The following RCOR1 variants were observed in gnomAD, a reference collection of about 807,000 sequenced individuals.
RCOR1 encodes the protein REST corepressor 1.
Under a neutral mutation model 64.0 loss-of-function variants are expected in RCOR1, and 12 were observed. The ratio of observed to expected loss-of-function variants is 0.19; its 90% confidence interval spans 0.12 to 0.30. RCOR1 has a LOEUF of 0.30. Ranked by LOEUF, RCOR1 falls within the 10% of genes least tolerant of loss-of-function variation. The probability of loss-of-function intolerance (pLI) is 1.00; values close to 1 mark genes in which losing one functional copy is unlikely to be tolerated. For missense variants in RCOR1, 502 were observed against 621.2 expected (o/e 0.81, Z 2.04); for synonymous variants, 279 against 227.2 (o/e 1.23, Z -2.05).
At chr14:102,704,300 G>A (rs1286017576) in intron 4 of RCOR1, among the ~76,000 whole-genome samples, 4 of 152,212 alleles carry the variant, frequency 2.6e-5, no homozygotes, top group Non-Finnish European at 4.4e-5. Context: ...AAAAAACAAC[G>A]ATTTCCTCCC....
At chr14:102,665,722 G>C (rs1894905769) in intron 2 of RCOR1, among the ~76,000 whole-genome samples, 1 of 152,196 alleles carries the variant, frequency 6.6e-6, no homozygotes, top group South Asian at 2.1e-4. Flanking sequence ...ATGCTGACCA[G>C]TGTTAGGATC....
chr14:102,657,837 C>CAAAAAAA (rs142321380), intron 2 of RCOR1: 2 of 844,256 alleles, frequency 2.4e-6, no homozygotes, highest in Non-Finnish European at 1.4e-6. Context: ...GACTCCGTCT[C>CAAAAAAA]AAAAAAAAAA....
At chr14:102,706,696 A>G (rs911190442) in intron 4 of RCOR1, among the ~76,000 whole-genome samples, 5 of 152,070 alleles carry the variant, frequency 3.3e-5, no homozygotes, top group Admixed American at 1.3e-4. Context: ...GTGTGGTGGC[A>G]TGTGCCTGTA....
intron 2 of RCOR1, among the ~76,000 whole-genome samples, chr14:102,613,064 G>C (rs1414177945): frequency 6.6e-6 from 1 of 151,614 alleles, no homozygotes; most frequent in Non-Finnish European, 1.5e-5. Flanking sequence ...GTTGTTGTTT[G>C]TTTTGTTTTT....
chr14:102,706,709 C>T (rs533958452), intron 4 of RCOR1, among the ~76,000 whole-genome samples: 1 of 151,998 alleles, frequency 6.6e-6, no homozygotes, highest in African/African-American at 2.4e-5. Context: ...TGCCTGTATC[C>T]CAGCTACTTG....
chr14:102,659,983 T>C (rs1239547525), intron 2 of RCOR1, among the ~76,000 whole-genome samples: 2 of 152,186 alleles, frequency 1.3e-5, no homozygotes, highest in East Asian at 1.9e-4. Context: ...ATCTGGTGAG[T>C]CGCATGCTCA....
chr14:102,668,674 C>A (rs1455677404), intron 2 of RCOR1, among the ~76,000 whole-genome samples: 6 of 152,032 alleles, frequency 3.9e-5, no homozygotes, highest in African/African-American at 1.2e-4. Context: ...ATACATACCC[C>A]TCGTTAACCA....
chr14:102,606,886 G>A (rs1209675738), intron 2 of RCOR1, among the ~76,000 whole-genome samples: 1 of 150,224 alleles, frequency 6.7e-6, no homozygotes, highest in African/African-American at 2.5e-5. Context: ...GTCTTTTCTT[G>A]AATAGGCTTT....
intron 3 of RCOR1, among the ~76,000 whole-genome samples, chr14:102,683,711 C>T (rs1181480355): frequency 6.6e-6 from 1 of 152,252 alleles, no homozygotes; most frequent in East Asian, 1.9e-4. Context: ...AGATGGCAGC[C>T]AGTGCGCTCG....
At chr14:102,693,240 A>G (rs907828116) in intron 3 of RCOR1, among the ~76,000 whole-genome samples, 4 of 152,176 alleles carry the variant, frequency 2.6e-5, no homozygotes, top group South Asian at 2.1e-4. Context: ...CACTTACGAC[A>G]ATTGGAATTC....
intron 2 of RCOR1, among the ~76,000 whole-genome samples, chr14:102,627,348 C>T (rs774813831): frequency 9.9e-5 from 15 of 152,172 alleles, no homozygotes; most frequent in Admixed American, 2.6e-4. Flanking sequence ...ATTAAACGGG[C>T]TATTACTTCT....
intron 4 of RCOR1, among the ~76,000 whole-genome samples, chr14:102,702,569 C>G (rs1321983916): frequency 6.6e-6 from 1 of 151,782 alleles, no homozygotes; most frequent in Non-Finnish European, 1.5e-5. Flanking sequence ...TATATTGAGG[C>G]AGTAAAGTGT....
At position 102,593,332 on chromosome 14, in the gene RCOR1, A is replaced by G; in HGVS notation, c.361+7A>G. On this transcript the variant is annotated splice_region_variant and intron_variant, in intron 2 of 11. Coordinates refer to ENST00000262241, the MANE Select transcript of RCOR1 (RefSeq NM_015156.4). The stretch of plus-strand genomic sequence containing the variant: ...GTGCCCGACTTCGACCCCGGTGAGT[A>G]GCGGCCCCGGCCGGCCGGCGGCGGG... 1.3e-6 allele frequency: 2 copies of G among 1,537,662 alleles called. No individual in the cohort carries two copies. The highest frequency in any genetic ancestry group is 1.7e-6 in the Non-Finnish European group (2 of 1,149,994).
At chr14:102,663,470 A>T (rs1894863702) in intron 2 of RCOR1, among the ~76,000 whole-genome samples, 1 of 152,214 alleles carries the variant, frequency 6.6e-6, no homozygotes, top group South Asian at 2.1e-4. Context: ...ACATTGGTGT[A>T]AAGGTATGTC....
In RCOR1 at chr14:102,708,330, G is replaced by A. The variant is rs1218528448; in HGVS notation, c.661-135G>A. The A allele has an allele frequency of 1.2e-5, 7 of 594,842 alleles. No individual in the cohort carries two copies. The Admixed American group carries it at 1.7e-4, about 14-fold the overall frequency. The allele number at this position is 594,842 out of a possible 1,614,324, so 36.8% of individuals were successfully genotyped here. A position where few individuals can be genotyped will look rare whatever the true frequency, so the allele number is the denominator to read the frequency against. ...TTAGCCAGGATGGTCTCCATCTCCTGACCTCGTGATCCGCCTGCCTTAGCC... is the reference window on the plus strand; with the variant it reads ...TTAGCCAGGATGGTCTCCATCTCCTAACCTCGTGATCCGCCTGCCTTAGCC... On this transcript the variant is annotated intron_variant, in intron 5 of 11. Coordinates refer to ENST00000262241, the MANE Select transcript of RCOR1 (RefSeq NM_015156.4).
chr14:102,678,673 G>A (rs1441882994), intron 2 of RCOR1, among the ~76,000 whole-genome samples: 2 of 152,128 alleles, frequency 1.3e-5, no homozygotes, highest in African/African-American at 4.8e-5. Flanking sequence ...CAGTCATTTG[G>A]TAAATATAAT....
intron 3 of RCOR1, among the ~76,000 whole-genome samples, chr14:102,692,440 A>AACACAC (rs10622844): frequency 0.011 from 1,549 of 146,328 alleles, 14 homozygotes; most frequent in African/African-American, 0.014. Flanking sequence ...GGAAAAAGTT[A>AACACAC]ACACACACAC....
At chr14:102,622,451 T>G (rs758975295) in intron 2 of RCOR1, among the ~76,000 whole-genome samples, 21 of 152,166 alleles carry the variant, frequency 1.4e-4, no homozygotes, top group African/African-American at 4.1e-4. Context: ...ATCTTGTGCT[T>G]CTTTCTGAGT....
chr14:102,634,616 GTA>G (rs1894194747), intron 2 of RCOR1, among the ~76,000 whole-genome samples: 3 of 149,858 alleles, frequency 2.0e-5, no homozygotes, highest in Non-Finnish European at 4.4e-5. Flanking sequence ...GTGTGTGTAT[GTA>G]TGTGTGTGTG....
Sources: gnomAD v4.1 joint callset for allele counts (sites outside exome capture counted in the v4.1 genomes callset) on GRCh38, gnomAD v4.1.1 for gene constraint, MANE v1.5 for transcripts, NCBI Gene and HGNC (gene_info 2026-07-23, HGNC 2026-07-21) for gene names.